Variants in CCM2 observed in about 807,000 individuals in gnomAD.
The protein encoded by CCM2 is CCM2 scaffold protein, also known as cerebral cavernous malformations 2 protein.
Under a neutral mutation model 44.9 loss-of-function variants are expected in CCM2, and 25 were observed. The observed-to-expected ratio is 0.56, with a 90% CI of 0.41 to 0.78. The LOEUF (loss-of-function observed/expected upper bound fraction) is 0.78, where lower values mean the gene tolerates loss of function less well. Ranked by LOEUF, CCM2 falls within the 30% of genes least tolerant of loss-of-function variation. CCM2 has a pLI of 0.00. For synonymous variants in CCM2, 219 were observed against 241.1 expected (o/e 0.91, Z 0.85); for missense variants, 481 against 580.6 (o/e 0.83, Z 1.76).
chr7:45,020,647 G>A (rs888310252), intron 1 of CCM2, among the ~76,000 whole-genome samples: 1 of 152,160 alleles, frequency 6.6e-6, no homozygotes, highest in African/African-American at 2.4e-5. Context: ...AAATTGTTTT[G>A]TATGGTAGAA....
intron 1 of CCM2, among the ~76,000 whole-genome samples, chr7:45,005,783 T>G (rs537034622): frequency 6.6e-5 from 10 of 152,296 alleles, no homozygotes; most frequent in Admixed American, 6.5e-4. Flanking sequence ...AGACCTAGGA[T>G]GTCAGAAGAG....
intron 1 of CCM2, chr7:45,027,626 TC>T: frequency 6.2e-7 from 1 of 1,613,042 alleles, no homozygotes; most frequent in South Asian, 1.1e-5. Context: ...TTTCTGGTCT[TC>T]CTGTTCAGTC....
chr7:45,047,013 C>A (rs1330576617), intron 2 of CCM2, among the ~76,000 whole-genome samples: 1 of 152,118 alleles, frequency 6.6e-6, no homozygotes, highest in Non-Finnish European at 1.5e-5. Flanking sequence ...ACATTAAAAC[C>A]ATAATGAGCT....
At chr7:45,001,639 A>G (rs995461592) in intron 1 of CCM2, among the ~76,000 whole-genome samples, 7 of 152,186 alleles carry the variant, frequency 4.6e-5, no homozygotes, top group Non-Finnish European at 1.0e-4. Flanking sequence ...CTCATTGTGC[A>G]CCGCTTACAG....
Position 45,038,353 on chromosome 7 carries a change from C to T in CCM2, c.131C>T (p.Thr44Ile). 3 of 1,614,170 alleles carry T rather than the reference C, an allele frequency of 1.9e-6. No individual in the cohort carries two copies. The highest frequency in any genetic ancestry group is 2.5e-6 in the Non-Finnish European group (3 of 1,180,022). ...EKVTERRPLH[T>I]VVLSLPERVE... is the part of the protein sequence containing the mutation. ...GTGACAGAGAGGCGCCCTCTGCACA[C>T]TGTGGTGTTGTCATTGCCTGAGCGC... The change falls in exon 2 of 10, where the codon ACT becomes ATT. Residue 44 changes from threonine (T) to isoleucine (I), a missense_variant. Thr to Ile is a moderately conservative substitution (Grantham distance 89). Coordinates refer to ENST00000258781, the MANE Select transcript of CCM2 (RefSeq NM_031443.4).
At chr7:45,027,481 T>A (rs1463944823) in intron 1 of CCM2, 5 of 694,158 alleles carry the variant, frequency 7.2e-6, no homozygotes, top group Non-Finnish European at 1.2e-5. Context: ...GTAGGGAAAA[T>A]GAGCTGGTTT....
chr7:45,001,417 C>T (rs73694249), intron 1 of CCM2, among the ~76,000 whole-genome samples: 1,593 of 152,356 alleles, frequency 0.01, 25 homozygotes, highest in African/African-American at 0.037. Context: ...GTGATTCAGC[C>T]TGCAGGTGTT....
chr7:45,043,090 A>G (rs1388775953), intron 2 of CCM2, among the ~76,000 whole-genome samples: 1 of 150,472 alleles, frequency 6.6e-6, no homozygotes, highest in Non-Finnish European at 1.5e-5. Flanking sequence ...CTCCCACCTT[A>G]GCCTCCTGAG....
At chr7:45,038,574 A>C in intron 2 of CCM2, 148 bp downstream of exon 2, 1 of 851,814 alleles carries the variant, frequency 1.2e-6, no homozygotes, top group Non-Finnish European at 1.9e-6. Flanking sequence ...CTATGCTGAT[A>C]AATTTAATAA....
At chr7:45,032,418 G>T (rs1004079264) in intron 1 of CCM2, among the ~76,000 whole-genome samples, 2 of 152,142 alleles carry the variant, frequency 1.3e-5, no homozygotes, top group African/African-American at 4.8e-5. Context: ...CAGTCAGAAG[G>T]TTGTATCTCC....
intron 2 of CCM2, among the ~76,000 whole-genome samples, chr7:45,052,751 C>G (rs1281705024): frequency 6.6e-6 from 1 of 152,180 alleles, no homozygotes; most frequent in East Asian, 1.9e-4. Context: ...AGGAGCCAGA[C>G]TGGGCATGAG....
chr7:45,042,537 A>G (rs1350458312), intron 2 of CCM2, among the ~76,000 whole-genome samples: 1 of 152,086 alleles, frequency 6.6e-6, no homozygotes, highest in Non-Finnish European at 1.5e-5. Flanking sequence ...TGAAAGTGGC[A>G]AGAAAGAAAC....
At chr7:45,068,801 A>G (rs1239856904) in intron 5 of CCM2, among the ~76,000 whole-genome samples, 1 of 151,674 alleles carries the variant, frequency 6.6e-6, no homozygotes, top group Non-Finnish European at 1.5e-5. Flanking sequence ...CCCTGCCCAC[A>G]GCTCCTCTGC....
At chr7:45,070,519 ATTTTCAGGAGTCTG>A (rs1436912206) in intron 6 of CCM2, 13 of 450,884 alleles carry the variant, frequency 2.9e-5, no homozygotes, top group Middle Eastern at 3.3e-4. Flanking sequence ...CCCACACAGC[ATTTTCAGGAGTCTG>A]TTAGTCCATT....
intron 2 of CCM2, among the ~76,000 whole-genome samples, chr7:45,052,339 C>T (rs1023536087): frequency 3.3e-5 from 5 of 152,188 alleles, no homozygotes; most frequent in East Asian, 1.9e-4. Context: ...AGGTCTGCCA[C>T]GGTGAAGGGC....
At chr7:45,044,039 T>C (rs986824379) in intron 2 of CCM2, among the ~76,000 whole-genome samples, 1 of 152,236 alleles carries the variant, frequency 6.6e-6, no homozygotes, top group African/African-American at 2.4e-5. Context: ...TTGTTTAGTT[T>C]GTGATCTTGC....
chr7:45,074,047 G>C lies in CCM2; in HGVS notation c.916-223G>C. ...CCATGCACTCTGTGTTCCAGCTCAG[G>C]AGAGTGGAGCTGCCCGGGTGCCTTG... On this transcript the variant is annotated intron_variant, in intron 8 of 9. Coordinates refer to ENST00000258781, the MANE Select transcript of CCM2 (RefSeq NM_031443.4). 5.5e-6 allele frequency: 5 copies of C among 909,810 alleles called. No homozygotes were observed. The South Asian group carries it at 8.5e-5, about 16-fold the overall frequency. The allele number at this position is 909,810 out of a possible 1,614,324, so 56.4% of individuals were successfully genotyped here.
At chr7:45,014,549 G>A (rs994462356) in intron 1 of CCM2, among the ~76,000 whole-genome samples, 83 of 151,826 alleles carry the variant, frequency 5.5e-4, no homozygotes, top group African/African-American at 1.9e-3. Flanking sequence ...CTGGGCTCAA[G>A]CTGTCCTCCC....
intron 9 of CCM2, 80 bp from the exon 10 acceptor site, chr7:45,075,697 G>C: frequency 6.3e-7 from 1 of 1,583,858 alleles, no homozygotes; most frequent in African/African-American, 1.3e-5. Context: ...GGCCCTGTCA[G>C]GGGGCTTTGA....
Sources: allele counts gnomAD v4.1 joint callset (sites outside exome capture counted in the v4.1 genomes callset), GRCh38; gene constraint gnomAD v4.1.1; transcripts MANE v1.5; gene names NCBI Gene and HGNC (gene_info 2026-07-23, HGNC 2026-07-21).